The following CCDC141 variants were observed in gnomAD, a reference collection of about 807,000 sequenced individuals.
CCDC141 encodes the protein coiled-coil domain-containing protein 141.
In CCDC141, 168 loss-of-function variants were observed where a neutral mutation model predicts 181.0. The ratio of observed to expected loss-of-function variants is 0.93; its 90% CI spans 0.82 to 1.05. The LOEUF is 1.05. Ranked by LOEUF, CCDC141 falls within the 50% of genes least tolerant of loss-of-function variation. The probability of loss-of-function intolerance (pLI) is 0.00; values close to 1 mark genes in which losing one functional copy is unlikely to be tolerated. For missense variants in CCDC141, 1,902 were observed against 1,788.5 expected (o/e 1.06, Z -1.14); for synonymous variants, 666 against 642.3 (o/e 1.04, Z -0.56).
At chr2:178,862,878 A>G (rs1575142502) in intron 17 of CCDC141, among the ~76,000 whole-genome samples, 2 of 152,216 alleles carry the variant, frequency 1.3e-5, no homozygotes, top group Admixed American at 6.5e-5. Context: ...AAGGGCTTTC[A>G]GTGAAGTTAA....
At chr2:178,970,111 G>A (rs1053764724) in intron 4 of CCDC141, among the ~76,000 whole-genome samples, 5 of 152,162 alleles carry the variant, frequency 3.3e-5, no homozygotes, top group African/African-American at 1.2e-4. Context: ...ACCGCTCAAG[G>A]AAATAAGAGA....
chr2:178,869,169 T>A lies in CCDC141; in HGVS notation c.2342A>T (p.Asp781Val). ...FHQKQKERIQ[D>V]YEDILYKVVQ... is the part of the protein sequence containing the mutation. ...CACCTTGTACAGGATATCCTCGTAA[T>A]CCTGGATTCTCTCTTTCTGTTTTTG... is the stretch of plus-strand genomic sequence containing the variant. The change falls in exon 15 of 24, where the codon GAT (aspartate) becomes GTT (valine). Residue 781 changes from aspartate (D) to valine (V), a missense_variant. By Grantham distance (152) the Asp-to-Val change is radical. Transcript: ENST00000443758. 6.2e-7 allele frequency: 1 copy of A among 1,613,484 alleles called. No homozygotes were observed. The highest frequency in any genetic ancestry group is 8.5e-7 in the Non-Finnish European group (1 of 1,179,732).
At chr2:178,836,871 G>T (rs1684495546) in intron 23 of CCDC141, 23 bp downstream of exon 23, 1 of 1,580,668 alleles carries the variant, frequency 6.3e-7, no homozygotes. Flanking sequence ...TCCATTTATG[G>T]CTTGTCATTA....
At chr2:178,965,206 G>A (rs983606263) in intron 4 of CCDC141, among the ~76,000 whole-genome samples, 2 of 152,116 alleles carry the variant, frequency 1.3e-5, no homozygotes, top group African/African-American at 4.8e-5. Flanking sequence ...CAGTGGGATG[G>A]TTTCTCTTGA....
chr2:179,015,286 C>CATATATATCATCTATATCAT (rs1553502895), intron 2 of CCDC141, among the ~76,000 whole-genome samples: 1 of 120,862 alleles, frequency 8.3e-6, no homozygotes, highest in East Asian at 2.4e-4. Context: ...ATCTATCTCT[C>CATATATATCATCTATATCAT]ATATATCTCA....
intron 22 of CCDC141, among the ~76,000 whole-genome samples, chr2:178,843,082 A>G (rs1157857820): frequency 1.3e-5 from 2 of 152,232 alleles, no homozygotes; most frequent in Non-Finnish European, 2.9e-5. Flanking sequence ...ATTGCTTATA[A>G]GCAGATAAAT....
rs1193258474 is a variant in CCDC141, at chr2:178,853,594, T to C, written c.3091A>G (p.Thr1031Ala). 10 of 1,613,334 alleles carry C rather than the reference T, an allele frequency of 6.2e-6. No homozygotes were observed. In the Admixed American group the frequency reaches 1.5e-4, roughly 24 times the overall value. Residue 1031 changes from threonine (T) to alanine (A), a missense_variant, in exon 20 of 24, where the codon ACA becomes GCA. Physicochemically the swap from Thr to Ala is moderately conservative, Grantham distance 58 (BLOSUM62 0). Coordinates refer to ENST00000443758, the MANE Select transcript of CCDC141 (RefSeq NM_173648.4). ...GAATATTTTCCAACTCTTACAACTG[T>C]GGCACTTGCATCTTCGTACCAAAAA... The part of the protein sequence containing the change: ...CHFWYEDASA[T>A]VVRVGKYSTE...
In CCDC141 at chr2:178,830,619, C is replaced by A. The variant is rs1684212435; in HGVS notation, c.*3554G>T. 6.6e-6 allele frequency: 1 copy of A among 152,244 alleles called. No individual in the cohort carries two copies. The highest frequency in any genetic ancestry group is 1.5e-5 in the Non-Finnish European group (1 of 68,074). The allele number at this position is 152,244 out of a possible 1,614,324, so 9.4% of individuals were successfully genotyped here. A position where few individuals can be genotyped will look rare whatever the true frequency, so the allele number is the denominator to read the frequency against. ...GACAACAGGGCTGTCATGAATCCTG[C>A]TGATAAGGTTCTTACAGCCTAGCCA... On this transcript the variant is annotated 3_prime_UTR_variant, in exon 24 of 24. Transcript: ENST00000443758.
intron 2 of CCDC141, among the ~76,000 whole-genome samples, chr2:178,983,154 A>C (rs913738194): frequency 2.0e-5 from 3 of 152,068 alleles, no homozygotes; most frequent in Admixed American, 6.5e-5. Flanking sequence ...TGGGTCCCTG[A>C]CCCCTGACCC....
At chr2:178,995,291 A>G (rs1009157474) in intron 2 of CCDC141, among the ~76,000 whole-genome samples, 1 of 152,226 alleles carries the variant, frequency 6.6e-6, no homozygotes, top group Non-Finnish European at 1.5e-5. Context: ...ACCAAGTCAC[A>G]TCTTACATGG....
chr2:178,978,369 A>G, intron 3 of CCDC141, 115 bp downstream of exon 3: 1 of 606,092 alleles, frequency 1.6e-6, no homozygotes, highest in East Asian at 3.4e-5. Context: ...TGTTTTGGTT[A>G]TTCTGCCATT....
chr2:178,890,131 A>C (rs1687076955), intron 8 of CCDC141, among the ~76,000 whole-genome samples: 1 of 152,234 alleles, frequency 6.6e-6, no homozygotes. Context: ...AAGAAGGTAC[A>C]GAGAACAAAG....
intron 21 of CCDC141, among the ~76,000 whole-genome samples, chr2:178,849,066 G>C (rs892321984): frequency 6.6e-6 from 1 of 152,052 alleles, no homozygotes; most frequent in African/African-American, 2.4e-5. Context: ...AAGATAATTT[G>C]GTTGGGCACC....
chr2:178,884,788 A>C, intron 11 of CCDC141, 113 bp downstream of exon 11: 2 of 692,486 alleles, frequency 2.9e-6, no homozygotes, highest in Non-Finnish European at 4.7e-6. Flanking sequence ...GAGCCCACGC[A>C]CAGGGGTAGA....
At chr2:178,888,708 A>G (rs1440273437) in intron 8 of CCDC141, 40 bp from the exon 9 acceptor site, 2 of 1,547,376 alleles carry the variant, frequency 1.3e-6, no homozygotes, top group Non-Finnish European at 8.7e-7. Context: ...CTCCACCCCA[A>G]TATAGAACAC....
At position 178,918,777 on chromosome 2, in the gene CCDC141, T is replaced by C. The variant is rs1688562142; in HGVS notation, c.1028A>G (p.Gln343Arg). The stretch of plus-strand genomic sequence containing the variant: ...CCAGGTATTCCTTTCCACCATGAGT[T>C]GACCAAATTCTTCTTGAAGCTGACT... ...KLSQLQEEFG[Q>R]LMVERNTWLK... Residue 343 changes from glutamine to arginine, a missense_variant, in exon 7 of 24, where the codon CAA becomes CGA. Transcript: ENST00000443758. 2 of 1,550,496 alleles carry C rather than the reference T, an allele frequency of 1.3e-6. No homozygotes were observed. Among genetic ancestry groups the C allele is most frequent in the Non-Finnish European group, 1.7e-6 (2 of 1,146,994 alleles).
intron 6 of CCDC141, among the ~76,000 whole-genome samples, chr2:178,941,341 C>T (rs1199774812): frequency 6.6e-6 from 1 of 152,188 alleles, no homozygotes; most frequent in Non-Finnish European, 1.5e-5. Context: ...GTCTCTCTAA[C>T]CCCATATGAT....
intron 6 of CCDC141, among the ~76,000 whole-genome samples, chr2:178,921,029 A>G (rs1367125389): frequency 6.6e-6 from 1 of 152,184 alleles, no homozygotes; most frequent in Non-Finnish European, 1.5e-5. Flanking sequence ...ATCCAGTAAG[A>G]GGCAGTACCA....
At chr2:178,867,940 C>T in intron 16 of CCDC141, 86 bp downstream of exon 16, 2 of 1,074,232 alleles carry the variant, frequency 1.9e-6, no homozygotes, top group Non-Finnish European at 2.7e-6. Context: ...TTAACATATA[C>T]TAAGCAATCT....
Sources: allele counts gnomAD v4.1 joint callset (sites outside exome capture counted in the v4.1 genomes callset), GRCh38; gene constraint gnomAD v4.1.1; transcripts MANE v1.5; gene names NCBI Gene and HGNC (gene_info 2026-07-23, HGNC 2026-07-21).